The following XIRP2 variants were observed in gnomAD, a reference collection of about 807,000 sequenced individuals.
XIRP2 encodes xin actin-binding repeat-containing protein 2.
Under a neutral mutation model 277.0 loss-of-function variants are expected in XIRP2, and 236 were observed. That is an observed-to-expected ratio of 0.85 (90% CI 0.77 to 0.95). The LOEUF (loss-of-function observed/expected upper bound fraction) is 0.95. Among genes scored for constraint, XIRP2 ranks in the 40% least tolerant of loss-of-function variants. XIRP2 has a pLI of 0.00. For missense variants in XIRP2, 4,640 were observed against 4,157.5 expected (o/e 1.12, Z -3.19); for synonymous variants, 1,490 against 1,416.5 (o/e 1.05, Z -1.17).
rs373942557 is a variant in XIRP2 at position 167,245,295 on chromosome 2, T to C, written c.3903T>C (p.Thr1301=). Residue 1301 remains threonine, a synonymous_variant, in exon 9 of 11, where the codon ACT becomes ACC. Transcript: ENST00000409195. Reference sequence around the variant, plus strand: ...ATATCAGCACCAAGAAAACAATTACTGAAGAAGTAATACAGGGTGATGTAA... The same window carrying C: ...ATATCAGCACCAAGAAAACAATTACCGAAGAAGTAATACAGGGTGATGTAA... The part of the protein sequence containing the change: ...SDYISTKKTI[T]EEVIQGDVKS... 12 of 1,613,376 alleles carry C rather than the reference T, an allele frequency of 7.4e-6. No individual in the cohort carries two copies. In the African/African-American group the frequency reaches 1.5e-4, roughly 20 times the overall value.
intron 2 of XIRP2, among the ~76,000 whole-genome samples, chr2:166,909,930 G>A (rs539756157): frequency 1.3e-5 from 2 of 152,286 alleles, no homozygotes; most frequent in East Asian, 1.9e-4. Flanking sequence ...ATTTGCGTAT[G>A]TTGAACCAGC....
At chr2:167,170,894 C>CTTTTTTTTTTTT (rs773187641) in intron 3 of XIRP2, among the ~76,000 whole-genome samples, 2 of 92,702 alleles carry the variant, frequency 2.2e-5, no homozygotes, top group African/African-American at 4.6e-5. Flanking sequence ...TGCCTTTCTT[C>CTTTTTTTTTTTT]TTTTTTTTTT....
chr2:166,984,550 A>T, intron 2 of XIRP2, among the ~76,000 whole-genome samples: 1 of 152,204 alleles, frequency 6.6e-6, no homozygotes, highest in South Asian at 2.1e-4. Context: ...AAATATCTGC[A>T]GGAAAAAGTA....
intron 7 of XIRP2, 32 bp from the exon 8 acceptor site, chr2:167,241,745 A>G: frequency 6.4e-7 from 1 of 1,574,070 alleles, no homozygotes; most frequent in Non-Finnish European, 8.6e-7. Context: ...TAGTAATTAC[A>G]TAGTAACCCT....
At chr2:167,015,236 A>G (rs1254940976) in intron 2 of XIRP2, among the ~76,000 whole-genome samples, 1 of 151,874 alleles carries the variant, frequency 6.6e-6, no homozygotes, top group African/African-American at 2.4e-5. Context: ...TAGCGTTAAA[A>G]TATTTGTAGA....
At chr2:166,980,182 T>G (rs1175295058) in intron 2 of XIRP2, among the ~76,000 whole-genome samples, 6 of 152,154 alleles carry the variant, frequency 3.9e-5, no homozygotes, top group Admixed American at 6.5e-5. Flanking sequence ...TCTTTTTCAA[T>G]AAAGAAGCTC....
chr2:167,249,281 C>T lies in XIRP2; in HGVS notation c.7889C>T (p.Ser2630Phe). The T allele has an allele frequency of 1.2e-6, 2 of 1,613,818 alleles. No homozygotes were observed. Residue 2630 changes from serine to phenylalanine, a missense_variant, in exon 9 of 11, where the codon TCC becomes TTC. Ser to Phe is a radical substitution (Grantham distance 155). Transcript: ENST00000409195. Reference protein sequence around the residue: ...ILGVCSDNQLSTTSPETVAAK... With the variant: ...ILGVCSDNQLFTTSPETVAAK... ...GGAGTGTGTTCTGATAACCAACTCTCCACAACATCGCCAGAAACAGTCGCT... is the reference window on the plus strand; with the variant it reads ...GGAGTGTGTTCTGATAACCAACTCTTCACAACATCGCCAGAAACAGTCGCT...
At chr2:166,945,296 A>G (rs1201146945) in intron 2 of XIRP2, among the ~76,000 whole-genome samples, 1 of 152,138 alleles carries the variant, frequency 6.6e-6, no homozygotes, top group South Asian at 2.1e-4. Flanking sequence ...TGTTTTTTTT[A>G]TAGTGAATGT....
intron 2 of XIRP2, among the ~76,000 whole-genome samples, chr2:167,073,194 TTTAA>T: frequency 6.6e-6 from 1 of 152,238 alleles, no homozygotes; most frequent in East Asian, 1.9e-4. Flanking sequence ...CTGGATCATC[TTTAA>T]TTATCTTTCA....
intron 2 of XIRP2, among the ~76,000 whole-genome samples, chr2:167,130,518 C>G (rs1330504067): frequency 1.3e-5 from 2 of 152,106 alleles, no homozygotes; most frequent in Non-Finnish European, 2.9e-5. Context: ...TCCCTACAAA[C>G]TAAAGCAAAC....
intron 2 of XIRP2, among the ~76,000 whole-genome samples, chr2:166,933,830 C>G (rs1309913392): frequency 6.6e-6 from 1 of 152,016 alleles, no homozygotes. Context: ...TTTCCTAATA[C>G]TATTTTATAT....
chr2:167,258,158 A>G lies in XIRP2; in HGVS notation c.*341A>G, dbSNP rs371696277. 1 of 1,613,074 alleles carries G rather than the reference A, an allele frequency of 6.2e-7. No individual in the cohort carries two copies. Among genetic ancestry groups the G allele is most frequent in the Admixed American group, 1.7e-5 (1 of 59,830 alleles). On this transcript the variant is annotated 3_prime_UTR_variant, in exon 11 of 11. Coordinates refer to ENST00000409195, the MANE Select transcript of XIRP2 (RefSeq NM_152381.6). Reference sequence around the variant, plus strand: ...AGGGGAAAGGGGAAAATTAAAAGTCATTTGGCCTCCTTCCAAGGAGATCCC... The same window carrying G: ...AGGGGAAAGGGGAAAATTAAAAGTCGTTTGGCCTCCTTCCAAGGAGATCCC...
At chr2:167,231,595 T>A (rs1374999055) in intron 5 of XIRP2, among the ~76,000 whole-genome samples, 1 of 151,874 alleles carries the variant, frequency 6.6e-6, no homozygotes, top group Non-Finnish European at 1.5e-5. Context: ...TCAAAACCAT[T>A]TTCTATTCTA....
intron 2 of XIRP2, among the ~76,000 whole-genome samples, chr2:166,938,147 T>G (rs1297201957): frequency 6.6e-6 from 1 of 152,188 alleles, no homozygotes; most frequent in Non-Finnish European, 1.5e-5. Flanking sequence ...CTTTTGAATG[T>G]GTTTGCTCTT....
At position 167,244,282 on chromosome 2, in the gene XIRP2, C is replaced by G. The variant is rs768747583; in HGVS notation, c.2890C>G (p.His964Asp). 1 of 1,613,810 alleles carries G rather than the reference C, an allele frequency of 6.2e-7. No individual in the cohort carries two copies. The highest frequency in any genetic ancestry group is 8.5e-7 in the Non-Finnish European group (1 of 1,179,866). ...SNNLIKFDAS[H>D]KIEVEGVTRG... ...CAATTTAATTAAATTTGATGCATCA[C>G]ATAAAATAGAGGTGGAAGGAGTTAC... Residue 964 changes from histidine (H) to aspartate (D), a missense_variant, in exon 9 of 11, where the codon CAT (histidine) becomes GAT (aspartate). Physicochemically the swap from His to Asp is moderately conservative, Grantham distance 81. Coordinates refer to ENST00000409195, the MANE Select transcript of XIRP2 (RefSeq NM_152381.6).
chr2:167,172,404 A>G (rs1391657044), intron 3 of XIRP2, among the ~76,000 whole-genome samples: 2 of 152,186 alleles, frequency 1.3e-5, no homozygotes, highest in Non-Finnish European at 2.9e-5. Context: ...TCTTATCAGG[A>G]GACAGGGTTT....
At chr2:167,149,500 A>G (rs553760983) in intron 3 of XIRP2, among the ~76,000 whole-genome samples, 2 of 152,312 alleles carry the variant, frequency 1.3e-5, no homozygotes, top group African/African-American at 4.8e-5. Context: ...AGTTTATGAC[A>G]TATGTGGCAA....
chr2:167,131,390 C>T (rs1691371839), intron 2 of XIRP2, among the ~76,000 whole-genome samples: 1 of 152,126 alleles, frequency 6.6e-6, no homozygotes. Context: ...CAAAACACAT[C>T]TCTCTCAAGT....
chr2:166,929,512 T>C (rs1685272778), intron 2 of XIRP2, among the ~76,000 whole-genome samples: 1 of 152,134 alleles, frequency 6.6e-6, no homozygotes, highest in Non-Finnish European at 1.5e-5. Flanking sequence ...TACCAAAAGT[T>C]GTAGTATTGT....
Sources: gnomAD v4.1 joint callset for allele counts (sites outside exome capture counted in the v4.1 genomes callset) on GRCh38, gnomAD v4.1.1 for gene constraint, MANE v1.5 for transcripts, NCBI Gene and HGNC (gene_info 2026-07-23, HGNC 2026-07-21) for gene names.